FNDC3B: variants seen among roughly 807,000 people sequenced by gnomAD.
FNDC3B encodes the protein fibronectin type III domain-containing protein 3B.
Under a neutral mutation model 151.5 loss-of-function variants are expected in FNDC3B, and 12 were observed. The observed-to-expected ratio is 0.08, with a 90% CI of 0.05 to 0.13. The LOEUF is 0.13. Ranked by LOEUF, FNDC3B falls within the 10% of genes least tolerant of loss-of-function variation. The probability of loss-of-function intolerance (pLI) is 1.00; values close to 1 mark genes in which losing one functional copy is unlikely to be tolerated. For missense variants in FNDC3B, 1,214 were observed against 1,505.3 expected (o/e 0.81, Z 3.20); for synonymous variants, 528 against 549.0 (o/e 0.96, Z 0.54).
chr3:172,062,983 A>C (rs1351227646), intron 1 of FNDC3B, among the ~76,000 whole-genome samples: 1 of 152,206 alleles, frequency 6.6e-6, no homozygotes, highest in African/African-American at 2.4e-5. Flanking sequence ...AAATTGGTGT[A>C]TGATCTAATG....
In FNDC3B at chr3:172,330,565, C is replaced by CTACA; in HGVS notation, c.1405_1408dup (p.Thr470IlefsTer29). On this transcript the variant is annotated frameshift_variant, in exon 13 of 26. Transcript: ENST00000415807. LOFTEE classifies it high-confidence loss of function. ...GTGGTTATAGCCAAGAGGTGGTGTG[C>CTACA]TACACATTAGGAAATATCCCTCAGA... The CTACA allele has an allele frequency of 6.2e-7, 1 of 1,613,786 alleles. No individual in the cohort carries two copies. The highest frequency in any genetic ancestry group is 8.5e-7 in the Non-Finnish European group (1 of 1,179,786).
intron 3 of FNDC3B, among the ~76,000 whole-genome samples, chr3:172,161,691 A>G (rs1022966053): frequency 1.3e-5 from 2 of 152,330 alleles, no homozygotes; most frequent in Admixed American, 6.5e-5. Context: ...GCAATTTTTC[A>G]TAACAATTTT....
intron 13 of FNDC3B, among the ~76,000 whole-genome samples, chr3:172,331,801 T>C (rs1318422220): frequency 6.6e-6 from 1 of 152,182 alleles, no homozygotes; most frequent in African/African-American, 2.4e-5. Context: ...ATATGTCATT[T>C]CTTTGGGCAG....
intron 1 of FNDC3B, among the ~76,000 whole-genome samples, chr3:172,055,106 A>G (rs962965382): frequency 6.6e-6 from 1 of 152,188 alleles, no homozygotes; most frequent in Non-Finnish European, 1.5e-5. Flanking sequence ...TTTTAAATAA[A>G]TTACTATAAA....
chr3:172,207,896 G>A (rs918619586), intron 3 of FNDC3B, among the ~76,000 whole-genome samples: 5 of 152,172 alleles, frequency 3.3e-5, no homozygotes, highest in African/African-American at 1.2e-4. Flanking sequence ...GCAGTGAACC[G>A]AGATTGCACC....
chr3:172,365,147 C>T (rs116141448), intron 23 of FNDC3B, among the ~76,000 whole-genome samples: 1,663 of 152,266 alleles, frequency 0.011, 33 homozygotes, highest in African/African-American at 0.038. Context: ...GAGTTGGATA[C>T]ATCATAATAC....
chr3:172,382,110 C>A (rs1735474559), intron 25 of FNDC3B, among the ~76,000 whole-genome samples: 1 of 152,216 alleles, frequency 6.6e-6, no homozygotes, highest in Non-Finnish European at 1.5e-5. Flanking sequence ...GTTCCTATTT[C>A]CCCACATCCT....
chr3:172,294,430 G>A (rs1004664843), intron 7 of FNDC3B, among the ~76,000 whole-genome samples: 9 of 152,190 alleles, frequency 5.9e-5, no homozygotes, highest in African/African-American at 1.7e-4. Context: ...GCCCGAGAAG[G>A]AGGAAGATAG....
At chr3:172,295,085 T>TA (rs910317838) in intron 7 of FNDC3B, among the ~76,000 whole-genome samples, 6 of 151,626 alleles carry the variant, frequency 4.0e-5, no homozygotes, top group Admixed American at 1.3e-4. Context: ...TTACTTACGT[T>TA]AAAAAAAAAT....
At chr3:172,320,886 A>G (rs1732047830) in intron 11 of FNDC3B, among the ~76,000 whole-genome samples, 1 of 152,256 alleles carries the variant, frequency 6.6e-6, no homozygotes, top group South Asian at 2.1e-4. Flanking sequence ...AAGTTAGTAA[A>G]GAAGAAAAAT....
intron 25 of FNDC3B, among the ~76,000 whole-genome samples, chr3:172,391,563 A>G (rs1468786055): frequency 1.3e-5 from 2 of 152,228 alleles, no homozygotes; most frequent in Non-Finnish European, 2.9e-5. Context: ...CTTAATGACT[A>G]CATTATTTGA....
intron 10 of FNDC3B, among the ~76,000 whole-genome samples, chr3:172,307,757 G>A (rs1379650690): frequency 1.3e-5 from 2 of 152,158 alleles, no homozygotes; most frequent in African/African-American, 4.8e-5. Flanking sequence ...CTTGTGATAT[G>A]TTTGGTTTTC....
chr3:172,093,550 G>T (rs558019952), intron 1 of FNDC3B, among the ~76,000 whole-genome samples: 8 of 152,108 alleles, frequency 5.3e-5, no homozygotes, highest in Admixed American at 1.3e-4. Flanking sequence ...GAGTCACCGC[G>T]CCCGGCCCCA....
intron 6 of FNDC3B, among the ~76,000 whole-genome samples, chr3:172,257,655 AG>A (rs35935424): frequency 2.6e-5 from 4 of 151,926 alleles, no homozygotes; most frequent in Non-Finnish European, 5.9e-5. Flanking sequence ...GTTTGAGTGG[AG>A]GACCTGGGTC....
At chr3:172,355,788 G>A (rs766608191) in intron 22 of FNDC3B, among the ~76,000 whole-genome samples, 2 of 152,112 alleles carry the variant, frequency 1.3e-5, no homozygotes, top group Non-Finnish European at 2.9e-5. Flanking sequence ...ATTAGCACAG[G>A]TTTTCTATAA....
chr3:172,151,844 T>C (rs1273489183), intron 3 of FNDC3B, among the ~76,000 whole-genome samples: 2 of 152,184 alleles, frequency 1.3e-5, no homozygotes, highest in African/African-American at 4.8e-5. Context: ...GGAAAAACGG[T>C]TATGCGTTAT....
At chr3:172,097,401 G>A (rs1486123289) in intron 1 of FNDC3B, among the ~76,000 whole-genome samples, 1 of 152,212 alleles carries the variant, frequency 6.6e-6, no homozygotes, top group Non-Finnish European at 1.5e-5. Context: ...TTAGTTCTGT[G>A]AGACTTGGAT....
chr3:172,190,323 A>G (rs1012961171), intron 3 of FNDC3B, among the ~76,000 whole-genome samples: 4 of 152,236 alleles, frequency 2.6e-5, no homozygotes, highest in Non-Finnish European at 5.9e-5. Flanking sequence ...GTTTAAAATT[A>G]TATAGTTTGA....
At chr3:172,208,435 C>A (rs1329534134) in intron 3 of FNDC3B, among the ~76,000 whole-genome samples, 1 of 152,088 alleles carries the variant, frequency 6.6e-6, no homozygotes, top group African/African-American at 2.4e-5. Context: ...GGTTAGGGGG[C>A]ATGAGTATAT....
Sources: allele counts gnomAD v4.1 joint callset (sites outside exome capture counted in the v4.1 genomes callset), GRCh38; gene constraint gnomAD v4.1.1; transcripts MANE v1.5; gene names NCBI Gene and HGNC (gene_info 2026-07-23, HGNC 2026-07-21).